The following RALGAPA1 variants were observed in gnomAD, a reference collection of about 807,000 sequenced individuals.
The protein encoded by RALGAPA1 is ral GTPase-activating protein subunit alpha-1.
A neutral mutation model predicts 269.6 loss-of-function variants in RALGAPA1; 52 were observed. The observed-to-expected ratio is 0.19, with a 90% CI of 0.15 to 0.24. The LOEUF (loss-of-function observed/expected upper bound fraction) is 0.24. Among genes scored for constraint, RALGAPA1 ranks in the 10% least tolerant of loss-of-function variants. RALGAPA1 has a pLI of 1.00. For synonymous variants in RALGAPA1, 817 were observed against 1,008.3 expected, an observed-to-expected ratio of 0.81 and a Z score of 3.60; for missense variants, 1,917 against 3,013.9, an observed-to-expected ratio of 0.64 and a Z score of 8.52.
At chr14:35,761,164 T>C (rs923597052) in intron 5 of RALGAPA1, among the ~76,000 whole-genome samples, 158 bp from the exon 6 acceptor site, 5 of 152,206 alleles carry the variant, frequency 3.3e-5, no homozygotes, top group Non-Finnish European at 4.4e-5. Context: ...ACAGCATCTA[T>C]TGAAATCATT....
chr14:35,590,822 A>C (rs939594051), intron 37 of RALGAPA1, among the ~76,000 whole-genome samples: 1 of 152,204 alleles, frequency 6.6e-6, no homozygotes, highest in Non-Finnish European at 1.5e-5. Context: ...CTTATTAGTG[A>C]AGTGCGAAGA....
intron 4 of RALGAPA1, chr14:35,767,235 T>C (rs1486796512): frequency 6.0e-6 from 1 of 166,922 alleles, no homozygotes; most frequent in Non-Finnish European, 1.3e-5. Flanking sequence ...AATGATCACA[T>C]AATTGCCATA....
intron 1 of RALGAPA1, among the ~76,000 whole-genome samples, chr14:35,791,855 G>A (rs1390134497): frequency 2.4e-5 from 3 of 126,824 alleles, no homozygotes; most frequent in Admixed American, 9.7e-5. Flanking sequence ...GCAGTGAGCC[G>A]AGATCTGCCA....
intron 1 of RALGAPA1, among the ~76,000 whole-genome samples, chr14:35,798,599 T>C (rs1188499425): frequency 3.3e-5 from 5 of 152,270 alleles, no homozygotes; most frequent in African/African-American, 9.6e-5. Flanking sequence ...ACAAATTATG[T>C]ATCCAAAAAC....
At chr14:35,686,074 G>A (rs1194757736) in intron 19 of RALGAPA1, among the ~76,000 whole-genome samples, 1 of 151,696 alleles carries the variant, frequency 6.6e-6, no homozygotes, top group Non-Finnish European at 1.5e-5. Context: ...TATGGGAGCT[G>A]GTTCACAAGC....
intron 30 of RALGAPA1, among the ~76,000 whole-genome samples, chr14:35,653,594 A>G (rs1489527253): frequency 6.6e-6 from 1 of 152,200 alleles, no homozygotes; most frequent in African/African-American, 2.4e-5. Context: ...AAGGCCCTGA[A>G]TTCACAGCTA....
At chr14:35,542,770 C>T (rs1247994138) in intron 41 of RALGAPA1, among the ~76,000 whole-genome samples, 3 of 152,076 alleles carry the variant, frequency 2.0e-5, no homozygotes, top group Non-Finnish European at 2.9e-5. Flanking sequence ...TTGTGCATAC[C>T]GTATCTGTTA....
intron 6 of RALGAPA1, among the ~76,000 whole-genome samples, chr14:35,759,366 C>T (rs897885976): frequency 6.6e-6 from 1 of 152,084 alleles, no homozygotes; most frequent in Non-Finnish European, 1.5e-5. Flanking sequence ...AACCTAACCC[C>T]CAGTGTGGTT....
chr14:35,591,841 T>C (rs1297087920), intron 37 of RALGAPA1, among the ~76,000 whole-genome samples: 1 of 152,184 alleles, frequency 6.6e-6, no homozygotes, highest in East Asian at 1.9e-4. Flanking sequence ...GGGAGGTGAC[T>C]GGATTATGGG....
Position 35,655,926 on chromosome 14 carries a change from G to C in RALGAPA1, c.5388-11C>G, listed in dbSNP as rs773373455. On this transcript the variant is annotated splice_polypyrimidine_tract_variant and intron_variant, in intron 28 of 41. Transcript: ENST00000680220. ...CAAAGTGCTACACATCTGCAAAAAA[G>C]GCAAACAACAACGGTTACATAAAAT... The C allele has an allele frequency of 2.5e-6, 4 of 1,612,230 alleles. No homozygotes were observed. The Admixed American group carries it at 6.7e-5, about 27-fold the overall frequency.
intron 16 of RALGAPA1, among the ~76,000 whole-genome samples, chr14:35,704,635 T>C (rs932163008): frequency 1.3e-5 from 2 of 152,192 alleles, no homozygotes; most frequent in African/African-American, 2.4e-5. Flanking sequence ...ACATAGACTA[T>C]ACTAGTGTCT....
intron 39 of RALGAPA1, among the ~76,000 whole-genome samples, chr14:35,550,563 C>T (rs780526734): frequency 1.3e-5 from 2 of 151,762 alleles, no homozygotes; most frequent in East Asian, 3.9e-4. Context: ...ATGGGAGATA[C>T]CATGGCCAGT....
At chr14:35,602,637 G>C (rs992068937) in intron 36 of RALGAPA1, among the ~76,000 whole-genome samples, 1 of 152,026 alleles carries the variant, frequency 6.6e-6, no homozygotes, top group African/African-American at 2.4e-5. Flanking sequence ...TAGGTCCTTT[G>C]ATCATTTTTT....
chr14:35,781,130 G>A (rs1288387928), intron 1 of RALGAPA1, among the ~76,000 whole-genome samples: 1 of 152,038 alleles, frequency 6.6e-6, no homozygotes, highest in Non-Finnish European at 1.5e-5. Context: ...TGTCCAAACT[G>A]AAAAAGACAT....
chr14:35,739,617 T>C (rs1343244877), intron 11 of RALGAPA1, among the ~76,000 whole-genome samples: 1 of 152,164 alleles, frequency 6.6e-6, no homozygotes, highest in African/African-American at 2.4e-5. Context: ...TTCCCATCCA[T>C]GTGTGAATGG....
chr14:35,772,231 A>G (rs1439886802), intron 3 of RALGAPA1, among the ~76,000 whole-genome samples: 2 of 151,944 alleles, frequency 1.3e-5, no homozygotes. Flanking sequence ...TTTTTTTACT[A>G]TTTTTGTGGA....
chr14:35,755,508 A>G (rs1224159211), intron 7 of RALGAPA1, among the ~76,000 whole-genome samples: 1 of 152,226 alleles, frequency 6.6e-6, no homozygotes, highest in Non-Finnish European at 1.5e-5. Flanking sequence ...TTGTGTATCA[A>G]TTATAGCTCA....
At chr14:35,737,167 G>T (rs1320896743) in intron 12 of RALGAPA1, among the ~76,000 whole-genome samples, 1 of 152,002 alleles carries the variant, frequency 6.6e-6, no homozygotes, top group African/African-American at 2.4e-5. Context: ...CAGTACTGAT[G>T]AAGGAAAAGC....
At chr14:35,623,318 C>T (rs2060767508) in intron 35 of RALGAPA1, among the ~76,000 whole-genome samples, 1 of 151,976 alleles carries the variant, frequency 6.6e-6, no homozygotes, top group Non-Finnish European at 1.5e-5. Flanking sequence ...ATCTCTCTCT[C>T]TCTCTCACAC....
Sources: gnomAD v4.1 joint callset for allele counts (sites outside exome capture counted in the v4.1 genomes callset) on GRCh38, gnomAD v4.1.1 for gene constraint, MANE v1.5 for transcripts, NCBI Gene and HGNC (gene_info 2026-07-23, HGNC 2026-07-21) for gene names.